The following FBRSL1 variants were observed in gnomAD, a reference collection of about 807,000 sequenced individuals.
FBRSL1 encodes fibrosin like 1.
FBRSL1 carries 51 observed loss-of-function variants against 89.6 expected under a neutral mutation model. The ratio of observed to expected loss-of-function variants is 0.57; its 90% confidence interval spans 0.45 to 0.72. The LOEUF (loss-of-function observed/expected upper bound fraction) is 0.72. Ranked by LOEUF, FBRSL1 falls within the 30% of genes least tolerant of loss-of-function variation. FBRSL1 has a pLI of 0.00. For missense variants in FBRSL1, 1,618 were observed against 1,451.8 expected (o/e 1.11, Z -1.86); for synonymous variants, 779 against 681.1 (o/e 1.14, Z -2.24).
intron 5 of FBRSL1, among the ~76,000 whole-genome samples, chr12:132,550,336 A>T (rs536088546): frequency 8.7e-4 from 133 of 152,224 alleles, no homozygotes; most frequent in African/African-American, 3.0e-3. Context: ...CGGAGAAGGC[A>T]GCTCCGCCAA....
intron 5 of FBRSL1, chr12:132,551,677 C>G: frequency 2.3e-6 from 1 of 427,340 alleles, no homozygotes; most frequent in Admixed American, 2.4e-5. Flanking sequence ...ACAGACTGAC[C>G]GAGACACCTC....
chr12:132,492,487 C>G (rs2031208357), intron 1 of FBRSL1, among the ~76,000 whole-genome samples: 1 of 152,208 alleles, frequency 6.6e-6, no homozygotes, highest in Non-Finnish European at 1.5e-5. Context: ...CCTATGGGGT[C>G]TGGTGCCGGG....
chr12:132,561,079 C>T (rs2039085244), intron 5 of FBRSL1, among the ~76,000 whole-genome samples: 1 of 152,132 alleles, frequency 6.6e-6, no homozygotes, highest in Non-Finnish European at 1.5e-5. Flanking sequence ...GGCCCCTGTT[C>T]TGCTCTCAGC....
intron 5 of FBRSL1, among the ~76,000 whole-genome samples, chr12:132,555,780 G>A (rs1283478411): frequency 6.6e-6 from 1 of 152,164 alleles, no homozygotes; most frequent in Admixed American, 6.5e-5. Context: ...TCAAAATGAC[G>A]CCAGTCCTCG....
At chr12:132,510,035 G>A in intron 2 of FBRSL1, 1 of 1,231,458 alleles carries the variant, frequency 8.1e-7, no homozygotes, top group Non-Finnish European at 1.0e-6. Context: ...CCCCAGAGCA[G>A]CCCGGCCCAC....
rs766515794 is a variant in FBRSL1, at chr12:132,570,198, G to A, written c.964G>A (p.Ala322Thr). The A allele has an allele frequency of 6.0e-5, 90 of 1,504,152 alleles. No homozygotes were observed. The highest frequency in any genetic ancestry group is 6.9e-5 in the Non-Finnish European group (78 of 1,134,880). 93.2% of individuals were successfully genotyped at this position (1,504,152 alleles called of 1,614,324 possible). Residue 322 changes from alanine (A) to threonine (T), a missense_variant, in exon 7 of 19, where the codon GCG becomes ACG. Coordinates refer to ENST00000680143, the MANE Select transcript of FBRSL1 (RefSeq NM_001367871.1). ...CGTGCCTGCATCCCTGGGCGCCTTC[G>A]CGGGCCACAGCCAGGCGGCAGCCAA... ...THVPASLGAF[A>T]GHSQAAANGL...
intron 15 of FBRSL1, chr12:132,580,925 G>A (rs1287264090): frequency 2.0e-6 from 2 of 985,346 alleles, no homozygotes; most frequent in Non-Finnish European, 2.4e-6. Context: ...GGGGGGCCAG[G>A]GCTGATGTTG....
At chr12:132,574,046 T>C in intron 11 of FBRSL1, 44 bp from the exon 12 acceptor site, 15 of 1,205,008 alleles carry the variant, frequency 1.2e-5, no homozygotes, top group Non-Finnish European at 1.6e-5. Flanking sequence ...TCCTCCTGCC[T>C]GGGCGGCCCC....
chr12:132,541,619 G>A (rs561065566), intron 4 of FBRSL1, among the ~76,000 whole-genome samples: 5 of 152,374 alleles, frequency 3.3e-5, no homozygotes, highest in Admixed American at 2.6e-4. Flanking sequence ...GGGGCTGAGA[G>A]TGACCTTTCC....
At chr12:132,516,596 A>C (rs1179147956) in intron 2 of FBRSL1, among the ~76,000 whole-genome samples, 4 of 152,216 alleles carry the variant, frequency 2.6e-5, no homozygotes, top group Admixed American at 2.6e-4. Context: ...AGCCTAGCCT[A>C]ACACTTGAAG....
chr12:132,556,986 C>G (rs1398037901), intron 5 of FBRSL1, among the ~76,000 whole-genome samples: 1 of 152,214 alleles, frequency 6.6e-6, no homozygotes, highest in African/African-American at 2.4e-5. Flanking sequence ...CCCCAGCGCT[C>G]GGCTAACCAT....
chr12:132,549,810 T>C (rs1045842826), intron 5 of FBRSL1, among the ~76,000 whole-genome samples: 3 of 152,012 alleles, frequency 2.0e-5, no homozygotes, highest in African/African-American at 7.2e-5. Context: ...ACGATGTCTG[T>C]GCAGGCTGTG....
chr12:132,581,973 G>A (rs755649402), intron 17 of FBRSL1, 89 bp from the exon 18 acceptor site: 33 of 1,331,804 alleles, frequency 2.5e-5, no homozygotes, highest in Admixed American at 1.8e-4. Flanking sequence ...GTCAGCCTGG[G>A]ACCCTTCTAA....
rs897554802 is a variant in FBRSL1 at position 132,499,323 on chromosome 12, G to A, written c.291+8462G>A. On this transcript the variant is annotated intron_variant, in intron 1 of 18. Coordinates refer to ENST00000680143, the MANE Select transcript of FBRSL1 (RefSeq NM_001367871.1). The surrounding 1 kb of genome is among the most constrained non-coding windows in gnomAD (Gnocchi z 4.3). ...GGCCAGCCAGGCAGGGGTGGTGCTG[G>A]GCAGCAGTGGTGCTGGACCTCTGGG... 3.3e-5 allele frequency among the ~76,000 whole-genome samples: 5 copies of A among 151,842 alleles called. No individual in the cohort carries two copies. The highest frequency in any genetic ancestry group is 1.2e-4 in the African/African-American group (5 of 41,366).
chr12:132,551,508 A>G (rs1380895012), intron 5 of FBRSL1: 1 of 456,176 alleles, frequency 2.2e-6, no homozygotes, highest in Non-Finnish European at 4.4e-6. Context: ...GCGCGGGCGC[A>G]TGTCTCAGGC....
Position 132,584,901 on chromosome 12 carries a change from G to C in FBRSL1, c.*1123G>C, listed in dbSNP as rs187248271. 2.0e-5 allele frequency: 3 copies of C among 152,166 alleles called. No individual in the cohort carries two copies. Among genetic ancestry groups the C allele is most frequent in the Admixed American group, 2.0e-4 (3 of 15,280 alleles). The allele number at this position is 152,166 out of a possible 1,614,324, so 9.4% of individuals were successfully genotyped here. A position where few individuals can be genotyped will look rare whatever the true frequency, so the allele number is the denominator to read the frequency against. ...CCGCCTGAGGCATCAGCGTCACCTCGGTGTGGTCGTCGCCTCCCAGGCCCT... is the reference window on the plus strand; with the variant it reads ...CCGCCTGAGGCATCAGCGTCACCTCCGTGTGGTCGTCGCCTCCCAGGCCCT... On this transcript the variant is annotated 3_prime_UTR_variant, in exon 19 of 19. Transcript: ENST00000680143.
At chr12:132,574,705 C>T (rs1429314590) in intron 14 of FBRSL1, 141 bp downstream of exon 14, 15 of 1,125,142 alleles carry the variant, frequency 1.3e-5, no homozygotes, top group Non-Finnish European at 1.5e-5. Context: ...CTGCCCCTTC[C>T]TCTGGGTACT....
At chr12:132,491,904 G>A (rs1593207784) in intron 1 of FBRSL1, among the ~76,000 whole-genome samples, 1 of 152,364 alleles carries the variant, frequency 6.6e-6, no homozygotes, top group East Asian at 1.9e-4. Context: ...CACGGACAGA[G>A]CTGGGGCTCC....
chr12:132,498,806 C>T (rs977074122), intron 1 of FBRSL1, among the ~76,000 whole-genome samples: 22 of 152,294 alleles, frequency 1.4e-4, no homozygotes, highest in African/African-American at 4.6e-4. Flanking sequence ...CTGGTGTCCC[C>T]GTGGGCCAGG....
Sources: gnomAD v4.1 joint callset for allele counts (sites outside exome capture counted in the v4.1 genomes callset) on GRCh38, gnomAD v4.1.1 for gene constraint, Gnocchi (gnomAD v3.1) non-coding constraint, MANE v1.5 for transcripts, NCBI Gene and HGNC (gene_info 2026-07-23, HGNC 2026-07-21) for gene names.